The following TAFA5 variants were observed in gnomAD, a reference collection of about 807,000 sequenced individuals.
TAFA5 encodes TAFA chemokine like family member 5.
TAFA5 carries 6 observed loss-of-function variants against 15.3 expected under a neutral mutation model. The observed-to-expected ratio is 0.39, with a 90% CI of 0.21 to 0.77. The LOEUF (loss-of-function observed/expected upper bound fraction) is 0.77. TAFA5 is among the 30% of genes least tolerant of loss of function. The pLI is 0.41. For synonymous variants in TAFA5, 103 were observed against 80.7 expected, an observed-to-expected ratio of 1.28 and a Z score of -1.48; for missense variants, 161 against 193.1, an observed-to-expected ratio of 0.83 and a Z score of 0.98.
chr22:48,617,025 T>C (rs942891683), intron 1 of TAFA5, among the ~76,000 whole-genome samples: 2 of 152,190 alleles, frequency 1.3e-5, no homozygotes, highest in African/African-American at 2.4e-5. Context: ...ATACCTGTGG[T>C]CACTCGGGGG....
At chr22:48,575,022 G>T (rs1601588009) in intron 1 of TAFA5, among the ~76,000 whole-genome samples, 1 of 149,806 alleles carries the variant, frequency 6.7e-6, no homozygotes, top group African/African-American at 2.4e-5. Context: ...GAGTGTGTTT[G>T]TGTGTGTTTC....
chr22:48,623,109 C>T (rs896250758), intron 1 of TAFA5, among the ~76,000 whole-genome samples: 6 of 152,214 alleles, frequency 3.9e-5, no homozygotes, highest in African/African-American at 7.2e-5. Flanking sequence ...GGGGTGGCGG[C>T]GGTGAGCACA....
chr22:48,500,996 C>T (rs1920948527), intron 1 of TAFA5, among the ~76,000 whole-genome samples: 1 of 151,364 alleles, frequency 6.6e-6, no homozygotes, highest in African/African-American at 2.5e-5. Context: ...CTTCCATGGG[C>T]ATGGCCACTG....
chr22:48,553,918 G>A (rs1366242024), intron 1 of TAFA5, among the ~76,000 whole-genome samples: 3 of 152,326 alleles, frequency 2.0e-5, no homozygotes, highest in Non-Finnish European at 2.9e-5. Context: ...CTTGGCCTCC[G>A]TCCTGGCCAA....
intron 1 of TAFA5, among the ~76,000 whole-genome samples, chr22:48,628,434 A>G (rs1926099786): frequency 6.6e-6 from 1 of 152,114 alleles, no homozygotes; most frequent in Admixed American, 6.5e-5. Flanking sequence ...GGCCCAGAAG[A>G]TCTCTCCTGT....
At chr22:48,729,943 C>G (rs913112217) in intron 3 of TAFA5, among the ~76,000 whole-genome samples, 1 of 152,096 alleles carries the variant, frequency 6.6e-6, no homozygotes. Context: ...CAGCTGCATA[C>G]ACCCACCCAG....
At chr22:48,619,082 C>G (rs1925714655) in intron 1 of TAFA5, among the ~76,000 whole-genome samples, 1 of 152,226 alleles carries the variant, frequency 6.6e-6, no homozygotes, top group African/African-American at 2.4e-5. Context: ...CATTCATGAT[C>G]TATTTTCAAC....
chr22:48,532,312 A>G (rs1922001451), intron 1 of TAFA5, among the ~76,000 whole-genome samples: 1 of 151,746 alleles, frequency 6.6e-6, no homozygotes, highest in Non-Finnish European at 1.5e-5. Context: ...CCTTTTATTT[A>G]CTCCGCACCT....
intron 1 of TAFA5, among the ~76,000 whole-genome samples, chr22:48,540,217 A>T (rs778210051): frequency 3.0e-4 from 45 of 151,978 alleles, no homozygotes; most frequent in Admixed American, 2.2e-3. Flanking sequence ...GGTGTGTTTG[A>T]ATTCATTTCC....
chr22:48,591,253 G>A (rs1216247156), intron 1 of TAFA5, among the ~76,000 whole-genome samples: 1 of 152,242 alleles, frequency 6.6e-6, no homozygotes, highest in Non-Finnish European at 1.5e-5. Context: ...CTCTGGGATG[G>A]GCTGTGAGCC....
chr22:48,739,968 A>C (rs1930134629), intron 3 of TAFA5, among the ~76,000 whole-genome samples: 1 of 152,056 alleles, frequency 6.6e-6, no homozygotes, highest in Non-Finnish European at 1.5e-5. Flanking sequence ...ACTGTCCAGG[A>C]CTGCAGGTCG....
chr22:48,571,076 A>G (rs1923565250), intron 1 of TAFA5, among the ~76,000 whole-genome samples: 1 of 152,088 alleles, frequency 6.6e-6, no homozygotes, highest in Non-Finnish European at 1.5e-5. Flanking sequence ...GGACTAGTAA[A>G]CTGAACTTCT....
At chr22:48,611,710 C>T (rs111459296) in intron 1 of TAFA5, among the ~76,000 whole-genome samples, 3,218 of 152,280 alleles carry the variant, frequency 0.021, 61 homozygotes, top group South Asian at 0.065. Flanking sequence ...ACCACCTACC[C>T]ACCCCTCTTC....
intron 1 of TAFA5, among the ~76,000 whole-genome samples, chr22:48,553,180 G>A (rs1053286446): frequency 4.6e-5 from 7 of 152,014 alleles, no homozygotes; most frequent in Non-Finnish European, 7.4e-5. Context: ...ATGCCGCCTC[G>A]TCAGGGGAGC....
intron 1 of TAFA5, among the ~76,000 whole-genome samples, chr22:48,498,834 C>T (rs1359234856): frequency 6.6e-6 from 1 of 152,206 alleles, no homozygotes; most frequent in Non-Finnish European, 1.5e-5. Context: ...CGCACCTATA[C>T]CTTGTCTGTG....
chr22:48,698,461 G>A (rs1928798026), intron 2 of TAFA5, among the ~76,000 whole-genome samples: 1 of 151,888 alleles, frequency 6.6e-6, no homozygotes, highest in African/African-American at 2.4e-5. Context: ...TGATGATGAT[G>A]GTAATGGTAG....
chr22:48,502,824 CAAGAG>C (rs1920960556), intron 1 of TAFA5, among the ~76,000 whole-genome samples: 1 of 152,152 alleles, frequency 6.6e-6, no homozygotes, highest in Middle Eastern at 3.2e-3. Context: ...CGCACCTGGC[CAAGAG>C]TGGCCTCTAT....
intron 3 of TAFA5, among the ~76,000 whole-genome samples, chr22:48,738,190 G>T (rs912377731): frequency 2.0e-5 from 3 of 152,226 alleles, no homozygotes; most frequent in Non-Finnish European, 4.4e-5. Flanking sequence ...CGAGCACGGG[G>T]AGCCCAGCAT....
intron 1 of TAFA5, among the ~76,000 whole-genome samples, chr22:48,593,281 T>C (rs887951629): frequency 1.3e-5 from 2 of 152,102 alleles, no homozygotes; most frequent in Non-Finnish European, 2.9e-5. Context: ...GAGGCTGAGA[T>C]GCAGCTGGTC....
Sources: gnomAD v4.1 joint callset for allele counts (sites outside exome capture counted in the v4.1 genomes callset) on GRCh38, gnomAD v4.1.1 for gene constraint, MANE v1.5 for transcripts, NCBI Gene and HGNC (gene_info 2026-07-23, HGNC 2026-07-21) for gene names.